FOXP2: variants seen among roughly 807,000 people sequenced by gnomAD.
FOXP2 encodes forkhead box P2.
In FOXP2, 12 loss-of-function variants were observed where a neutral mutation model predicts 115.8. That is an observed-to-expected ratio of 0.10 (90% CI 0.07 to 0.17). The LOEUF (loss-of-function observed/expected upper bound fraction) is 0.17. Ranked by LOEUF, FOXP2 falls within the 10% of genes least tolerant of loss-of-function variation. The pLI, the probability that FOXP2 is intolerant of heterozygous loss-of-function variation, is 1.00. For missense variants in FOXP2, 629 were observed against 843.5 expected (o/e 0.75, Z 3.15); for synonymous variants, 328 against 297.7 (o/e 1.10, Z -1.05).
chr7:114,475,540 C>G (rs1172300232), intron 2 of FOXP2, among the ~76,000 whole-genome samples: 3 of 151,964 alleles, frequency 2.0e-5, no homozygotes, highest in Non-Finnish European at 4.4e-5. Flanking sequence ...TAGGAGCCCT[C>G]TGAACATGAC....
Position 114,652,269 on chromosome 7 carries a change from G to A in FOXP2, c.1161G>A (p.Val387=). Residue 387 remains valine (V), a synonymous_variant, in exon 9 of 17, where the codon GTG becomes GTA. Transcript: ENST00000350908. ...STAQCRVQMQ[V]VQQLEIQLSK... is the part of the protein sequence containing the mutation. ...CTCAGTGTCGAGTGCAAATGCAGGT[G>A]GTGCAACAGTTAGAAATACAGGTTT... 1.9e-6 allele frequency: 3 copies of A among 1,612,852 alleles called. No homozygotes were observed. Among genetic ancestry groups the A allele is most frequent in the Non-Finnish European group, 2.5e-6 (3 of 1,179,250 alleles).
chr7:114,285,892 T>C (rs1327813184), intron 1 of FOXP2, among the ~76,000 whole-genome samples: 1 of 152,052 alleles, frequency 6.6e-6, no homozygotes, highest in African/African-American at 2.4e-5. Flanking sequence ...TCAGTTTACC[T>C]ATGAAATTAT....
At chr7:114,251,601 G>A (rs1795445803) in intron 1 of FOXP2, among the ~76,000 whole-genome samples, 2 of 151,466 alleles carry the variant, frequency 1.3e-5, no homozygotes, top group Admixed American at 1.3e-4. Flanking sequence ...CTCTGTTATT[G>A]GTGTATAAGA....
chr7:114,526,178 A>T (rs1175677531), intron 2 of FOXP2, among the ~76,000 whole-genome samples: 1 of 142,288 alleles, frequency 7.0e-6, no homozygotes, highest in African/African-American at 2.8e-5. Context: ...TTATTAAAAA[A>T]AAAAAAAAAA....
rs527678633 is a variant in FOXP2, at chr7:114,088,592, G to C, written c.-247+754G>C. 2.0e-5 allele frequency among the ~76,000 whole-genome samples: 3 copies of C among 152,368 alleles called. No individual in the cohort carries two copies. The East Asian group carries it at 5.8e-4, about 29-fold the overall frequency. ...CAAATAGTTTGTTTAGTCAGCAGCA[G>C]AGGCAAGAGAGATGTGTTTAATAGC... is the stretch of plus-strand genomic sequence containing the variant. On this transcript the variant is annotated intron_variant, in intron 1 of 19. Coordinates refer to the FOXP2 transcript ENST00000635638.
intron 2 of FOXP2, among the ~76,000 whole-genome samples, chr7:114,510,361 G>A (rs938462192): frequency 3.3e-5 from 5 of 152,056 alleles, no homozygotes; most frequent in Admixed American, 6.6e-5. Flanking sequence ...TATGGCCATG[G>A]CATTTATTTG....
At chr7:114,305,933 T>C (rs182098630) in intron 2 of FOXP2, among the ~76,000 whole-genome samples, 1 of 72,856 alleles carries the variant, frequency 1.4e-5, no homozygotes, top group South Asian at 3.5e-4. Flanking sequence ...TAACCACTTA[T>C]AAATACTGTC....
At chr7:114,331,327 T>C (rs150540506) in intron 2 of FOXP2, among the ~76,000 whole-genome samples, 1 of 152,198 alleles carries the variant, frequency 6.6e-6, no homozygotes, top group African/African-American at 2.4e-5. Context: ...CTCAGGTTAA[T>C]GTGATAGCAA....
At chr7:114,531,114 CTCTT>C (rs1799121804) in intron 2 of FOXP2, among the ~76,000 whole-genome samples, 1 of 151,708 alleles carries the variant, frequency 6.6e-6, no homozygotes, top group African/African-American at 2.4e-5. Context: ...CCTTCGAAAT[CTCTT>C]TCTTGTTTCT....
intron 2 of FOXP2, among the ~76,000 whole-genome samples, chr7:114,528,195 A>G (rs1321426877): frequency 6.6e-6 from 1 of 152,080 alleles, no homozygotes; most frequent in Non-Finnish European, 1.5e-5. Flanking sequence ...TTCACTATAT[A>G]TAATCTCACA....
At chr7:114,593,313 A>G (rs564180672) in intron 3 of FOXP2, among the ~76,000 whole-genome samples, 115 of 152,068 alleles carry the variant, frequency 7.6e-4, no homozygotes, top group Non-Finnish European at 1.3e-3. Flanking sequence ...TTAGAGAGAG[A>G]GGGAGTCTGT....
intron 1 of FOXP2, among the ~76,000 whole-genome samples, chr7:114,207,853 A>G (rs1376941017): frequency 6.6e-6 from 1 of 152,226 alleles, no homozygotes; most frequent in Non-Finnish European, 1.5e-5. Flanking sequence ...CTTTATTTGA[A>G]TGCCATGATT....
rs115336333 is a variant in FOXP2 at position 114,311,913 on chromosome 7, C to A, written c.-11+23804C>A. On this transcript the variant is annotated intron_variant, in intron 2 of 17. Coordinates refer to the FOXP2 transcript ENST00000634411. Reference sequence around the variant, plus strand: ...TCTTTTGTTTTTGCCCCTCTACATGCTGCTGTATTTCACATCATAGTTCTT... The same window carrying A: ...TCTTTTGTTTTTGCCCCTCTACATGATGCTGTATTTCACATCATAGTTCTT... 3.2e-3 allele frequency among the ~76,000 whole-genome samples: 488 copies of A among 152,278 alleles called. 4 individuals are homozygous for A. Among genetic ancestry groups the A allele is most frequent in the African/African-American group, 0.011 (469 of 41,538 alleles).
chr7:114,294,365 C>A (rs1038371658), intron 2 of FOXP2, among the ~76,000 whole-genome samples: 5 of 152,092 alleles, frequency 3.3e-5, no homozygotes, highest in African/African-American at 4.8e-5. Context: ...TTTCTGCTAT[C>A]TTTTAATGCC....
chr7:114,462,047 G>T (rs1479991525), intron 2 of FOXP2, among the ~76,000 whole-genome samples: 12 of 151,864 alleles, frequency 7.9e-5, no homozygotes, highest in Admixed American at 7.9e-4. Context: ...TTGCGAGGCC[G>T]AGGCAGGCTG....
At chr7:114,461,719 C>G (rs1795567212) in intron 2 of FOXP2, among the ~76,000 whole-genome samples, 1 of 151,956 alleles carries the variant, frequency 6.6e-6, no homozygotes, top group African/African-American at 2.4e-5. Flanking sequence ...TTCATTCTTT[C>G]TTCTTCACTC....
intron 2 of FOXP2, among the ~76,000 whole-genome samples, chr7:114,361,882 G>A (rs1791753717): frequency 6.6e-6 from 1 of 152,116 alleles, no homozygotes; most frequent in African/African-American, 2.4e-5. Context: ...CCTAGAATGG[G>A]CTGTGTAATG....
At chr7:114,244,870 T>C (rs1171939504) in intron 1 of FOXP2, among the ~76,000 whole-genome samples, 1 of 151,970 alleles carries the variant, frequency 6.6e-6, no homozygotes, top group African/African-American at 2.4e-5. Flanking sequence ...CACGCCATTC[T>C]CCTGCCTCAG....
At chr7:114,484,388 A>ATGTTATGTTGATCAATAG (rs1332459919) in intron 2 of FOXP2, among the ~76,000 whole-genome samples, 2 of 151,996 alleles carry the variant, frequency 1.3e-5, no homozygotes, top group East Asian at 3.9e-4. Context: ...TTAGTGCATG[A>ATGTTATGTTGATCAATAG]TAATATTGAT....
Sources: gnomAD v4.1 joint callset for allele counts (sites outside exome capture counted in the v4.1 genomes callset) on GRCh38, gnomAD v4.1.1 for gene constraint, MANE v1.5 for transcripts, NCBI Gene and HGNC (gene_info 2026-07-23, HGNC 2026-07-21) for gene names.